UBE2U: variants seen among roughly 807,000 people sequenced by gnomAD.
UBE2U encodes the protein ubiquitin-conjugating enzyme E2 U.
In UBE2U, 39 loss-of-function variants were observed where a neutral mutation model predicts 41.2. The ratio of observed to expected loss-of-function variants is 0.95; its 90% CI spans 0.73 to 1.24. The LOEUF (loss-of-function observed/expected upper bound fraction) is 1.24. Ranked by LOEUF, UBE2U falls within the 50% of genes most tolerant of loss-of-function variation. The pLI, the probability that UBE2U is intolerant of heterozygous loss-of-function variation, is 0.00. For missense variants in UBE2U, 336 were observed against 363.1 expected, an observed-to-expected ratio of 0.93 and a Z score of 0.61; for synonymous variants, 107 against 117.8, an observed-to-expected ratio of 0.91 and a Z score of 0.60.
chr1:64,266,818 C>T (rs1645261441), intron 9 of UBE2U, among the ~76,000 whole-genome samples: 1 of 152,108 alleles, frequency 6.6e-6, no homozygotes, highest in African/African-American at 2.4e-5. Context: ...ACTAACAAAG[C>T]ATCAAAAGAT....
chr1:64,244,243 A>C, intron 8 of UBE2U: 1 of 1,468,418 alleles, frequency 6.8e-7, no homozygotes. Flanking sequence ...TGTTAAATGG[A>C]GATAACCTTA....
At chr1:64,261,699 G>A (rs1349222422) in intron 9 of UBE2U, among the ~76,000 whole-genome samples, 6 of 152,112 alleles carry the variant, frequency 3.9e-5, no homozygotes, top group African/African-American at 1.4e-4. Flanking sequence ...GGTAGGAAAT[G>A]TTGCCTTCTC....
At chr1:64,266,953 G>A in intron 9 of UBE2U, 71 bp from the exon 10 acceptor site, 1 of 1,389,776 alleles carries the variant, frequency 7.2e-7, no homozygotes, top group South Asian at 1.4e-5. Context: ...ACAAATGCAG[G>A]AACACTTCTC....
intron 8 of UBE2U, among the ~76,000 whole-genome samples, chr1:64,258,867 T>G (rs187365130): frequency 3.0e-4 from 45 of 152,348 alleles, no homozygotes; most frequent in African/African-American, 1.1e-3. Flanking sequence ...AAATGGTATT[T>G]CTAGTTCTAG....
At chr1:64,256,517 G>A (rs12125658) in intron 8 of UBE2U, among the ~76,000 whole-genome samples, 33,824 of 152,036 alleles carry the variant, frequency 0.22, 3,950 homozygotes, top group Middle Eastern at 0.35. Context: ...AAGCAATGGG[G>A]AAAGAATTCC....
chr1:64,266,461 A>G (rs2100567666), intron 9 of UBE2U, among the ~76,000 whole-genome samples: 1 of 152,308 alleles, frequency 6.6e-6, no homozygotes, highest in East Asian at 1.9e-4. Context: ...AAGAATAATA[A>G]TACCTGCCCA....
rs111832252 is a variant in UBE2U, at chr1:64,266,965, T to C, written c.770-59T>C. 3.0e-5 allele frequency: 43 copies of C among 1,455,836 alleles called. No homozygotes were observed. In the African/African-American group the frequency reaches 4.9e-4, roughly 17 times the overall value. The allele number at this position is 1,455,836 out of a possible 1,614,324, so 90.2% of individuals were successfully genotyped here. Reference sequence around the variant, plus strand: ...CCTACAAATGCAGGAACACTTCTCTTTTTATTGTTTTTCTTATTATGTCTA... The same window carrying C: ...CCTACAAATGCAGGAACACTTCTCTCTTTATTGTTTTTCTTATTATGTCTA... On this transcript the variant is annotated intron_variant, in intron 9 of 9. Coordinates refer to ENST00000371077, the MANE Select transcript of UBE2U (RefSeq NM_001366232.2).
intron 8 of UBE2U, among the ~76,000 whole-genome samples, chr1:64,247,656 G>A (rs1259650108): frequency 6.6e-6 from 1 of 152,156 alleles, no homozygotes; most frequent in Non-Finnish European, 1.5e-5. Flanking sequence ...CTTGAAGCCA[G>A]TATTTGAGAC....
In UBE2U at chr1:64,210,736, A is replaced by T; in HGVS notation, c.242-6A>T. On this transcript the variant is annotated splice_region_variant and splice_polypyrimidine_tract_variant and intron_variant, in intron 3 of 9. Transcript: ENST00000371077. ...ATGCAAATATTAATGTATTATTTTAATACAGTAGACCCACACACTGGTCAG... is the reference window on the plus strand; with the variant it reads ...ATGCAAATATTAATGTATTATTTTATTACAGTAGACCCACACACTGGTCAG... The T allele has an allele frequency of 6.6e-7, 1 of 1,512,640 alleles. No individual in the cohort carries two copies. The highest frequency in any genetic ancestry group is 8.9e-7 in the Non-Finnish European group (1 of 1,126,650). The allele number at this position is 1,512,640 out of a possible 1,614,324, so 93.7% of individuals were successfully genotyped here. A position where few individuals can be genotyped will look rare whatever the true frequency, so the allele number is the denominator to read the frequency against.
intron 8 of UBE2U, among the ~76,000 whole-genome samples, chr1:64,243,554 ATGCTTTCCTTACGCTGAAATTTCC>A (rs1644870533): frequency 6.6e-6 from 1 of 152,192 alleles, no homozygotes; most frequent in South Asian, 2.1e-4. Context: ...ATATTCGAAA[ATGCTTTCCTTACGCTGAAATTTCC>A]TGTTTCAAAA....
At chr1:64,258,819 T>A (rs1301962663) in intron 8 of UBE2U, among the ~76,000 whole-genome samples, 1 of 152,214 alleles carries the variant, frequency 6.6e-6, no homozygotes, top group African/African-American at 2.4e-5. Flanking sequence ...TGATTTACAA[T>A]CCTTTGGGTA....
chr1:64,206,745 G>A lies in UBE2U; in HGVS notation c.149-19G>A. The stretch of plus-strand genomic sequence containing the variant: ...ATAAACATGACACTTTAGTAAAAAT[G>A]TTTATTTCTATATTATAGGTTTAGT... On this transcript the variant is annotated intron_variant, in intron 2 of 9. Transcript: ENST00000371077. The A allele has an allele frequency of 2.1e-6, 3 of 1,442,570 alleles. No individual in the cohort carries two copies. Among genetic ancestry groups the A allele is most frequent in the Non-Finnish European group, 2.9e-6 (3 of 1,036,472 alleles). 89.4% of individuals were successfully genotyped at this position (1,442,570 alleles called of 1,614,324 possible).
At chr1:64,219,617 C>T (rs1652283860) in intron 5 of UBE2U, among the ~76,000 whole-genome samples, 1 of 148,896 alleles carries the variant, frequency 6.7e-6, no homozygotes, top group South Asian at 2.1e-4. Context: ...CGGAGTCTCA[C>T]TCTGTCTCCC....
At chr1:64,262,287 T>C (rs1358572467) in intron 9 of UBE2U, among the ~76,000 whole-genome samples, 1 of 152,236 alleles carries the variant, frequency 6.6e-6, no homozygotes, top group Non-Finnish European at 1.5e-5. Context: ...TCTATTGCTG[T>C]GTCACAAATT....
At chr1:64,244,309 C>A (rs1348790802) in intron 8 of UBE2U, 1 of 1,036,870 alleles carries the variant, frequency 9.6e-7, no homozygotes, top group Non-Finnish European at 1.2e-6. Context: ...TATATGATTT[C>A]ATTCGAGATA....
chr1:64,260,080 T>G (rs1645158341), intron 8 of UBE2U, among the ~76,000 whole-genome samples: 1 of 151,782 alleles, frequency 6.6e-6, no homozygotes, highest in Non-Finnish European at 1.5e-5. Context: ...AAGCAGAGAC[T>G]GGAGTGATGC....
intron 6 of UBE2U, among the ~76,000 whole-genome samples, chr1:64,227,831 A>G (rs936776165): frequency 1.3e-5 from 2 of 152,126 alleles, no homozygotes; most frequent in Non-Finnish European, 2.9e-5. Context: ...ATAATAAAAT[A>G]CCATTTACAA....
intron 6 of UBE2U, among the ~76,000 whole-genome samples, chr1:64,226,150 G>A (rs950769277): frequency 1.3e-5 from 2 of 152,050 alleles, no homozygotes; most frequent in Non-Finnish European, 2.9e-5. Context: ...AATAAATTGT[G>A]CTTTATTAAT....
chr1:64,216,181 C>T (rs1651998983), intron 5 of UBE2U, among the ~76,000 whole-genome samples: 3 of 152,186 alleles, frequency 2.0e-5, no homozygotes, highest in Non-Finnish European at 4.4e-5. Flanking sequence ...GATCAAGCAT[C>T]TTTTCCAGTA....
Sources: allele counts gnomAD v4.1 joint callset (sites outside exome capture counted in the v4.1 genomes callset), GRCh38; gene constraint gnomAD v4.1.1; transcripts MANE v1.5; gene names NCBI Gene and HGNC (gene_info 2026-07-23, HGNC 2026-07-21).